CFAP141: variants seen among roughly 807,000 people sequenced by gnomAD.
The protein encoded by CFAP141 is cilia and flagella associated protein 141.
the CFAP141 span, among the ~76,000 whole-genome samples, chr1:154,204,956 ACTGC>A: frequency 6.8e-6 from 1 of 147,984 alleles, no homozygotes; most frequent in African/African-American, 2.5e-5. Context: ...ATCTTGGCTC[ACTGC>A]ACCCTCCGCA....
the CFAP141 span, among the ~76,000 whole-genome samples, chr1:154,202,581 A>G: frequency 6.6e-6 from 1 of 151,902 alleles, no homozygotes; most frequent in Admixed American, 6.6e-5. Flanking sequence ...CGGGCAGATC[A>G]CGAGGTCAGG....
chr1:154,200,500 T>G, the CFAP141 span: 3 of 1,614,208 alleles, frequency 1.9e-6, no homozygotes, highest in Admixed American at 5.0e-5. Context: ...TCCTGTACCA[T>G]GGTGTCCTGC....
chr1:154,200,337 T>C, the CFAP141 span: 1 of 1,068,920 alleles, frequency 9.4e-7, no homozygotes, highest in Non-Finnish European at 1.4e-6. Flanking sequence ...GGTGTAATGC[T>C]GAAAACCTAG....
the CFAP141 span, among the ~76,000 whole-genome samples, chr1:154,203,530 G>A: frequency 1.3e-4 from 19 of 151,740 alleles, no homozygotes; most frequent in Non-Finnish European, 2.6e-4. Flanking sequence ...TTAGGCTCAA[G>A]CAATCCTTCT....
chr1:154,201,607 C>G, the CFAP141 span, among the ~76,000 whole-genome samples: 1 of 151,718 alleles, frequency 6.6e-6, no homozygotes, highest in Non-Finnish European at 1.5e-5. Flanking sequence ...ACGCTGGTGT[C>G]GAACTCCTGA....
the CFAP141 span, chr1:154,206,332 C>CT: frequency 6.2e-7 from 1 of 1,611,780 alleles, no homozygotes; most frequent in Non-Finnish European, 8.5e-7. Context: ...TTGATACAGT[C>CT]TGAGGAGACT....
chr1:154,203,930 A>G, the CFAP141 span, among the ~76,000 whole-genome samples: 11 of 152,214 alleles, frequency 7.2e-5, no homozygotes, highest in Admixed American at 7.2e-4. Flanking sequence ...GACTCTACTG[A>G]AAATACAAAA....
At chr1:154,199,598 A>ATTATT in the CFAP141 span, 1 of 1,008,942 alleles carries the variant, frequency 9.9e-7, no homozygotes. Flanking sequence ...CTTTCTTCCT[A>ATTATT]GTTGTTTTCC....
At chr1:154,200,350 G>T in the CFAP141 span, 1 of 1,204,694 alleles carries the variant, frequency 8.3e-7, no homozygotes. Context: ...AAACCTAGAG[G>T]CAAACAAGAT....
the CFAP141 span, chr1:154,205,623 T>C: frequency 2.5e-6 from 4 of 1,613,934 alleles, no homozygotes; most frequent in African/African-American, 1.3e-5. Context: ...TTAAGTCCCA[T>C]GGCCTTTTGA....
the CFAP141 span, among the ~76,000 whole-genome samples, chr1:154,201,285 C>T: frequency 5.6e-3 from 852 of 152,250 alleles, 5 homozygotes; most frequent in Middle Eastern, 0.031. Context: ...CATGCGCCAC[C>T]GCGCCTGGCC....
chr1:154,199,469 T>C, the CFAP141 span: 4 of 1,613,288 alleles, frequency 2.5e-6, no homozygotes, highest in African/African-American at 4.0e-5. Flanking sequence ...TCTGATTTAG[T>C]TCCTGCTGGT....
At chr1:154,204,511 G>A in the CFAP141 span, among the ~76,000 whole-genome samples, 7,790 of 152,038 alleles carry the variant, frequency 0.051, 686 homozygotes, top group African/African-American at 0.18. Context: ...GAACTCCTGA[G>A]CTCAAGCAAT....
chr1:154,204,022 C>A, the CFAP141 span, among the ~76,000 whole-genome samples: 2 of 151,978 alleles, frequency 1.3e-5, no homozygotes, highest in Non-Finnish European at 2.9e-5. Flanking sequence ...ACCCAGGAGG[C>A]GGAGGTTGCA....
the CFAP141 span, chr1:154,200,344 C>T: frequency 8.7e-7 from 1 of 1,152,598 alleles, no homozygotes; most frequent in African/African-American, 1.6e-5. Context: ...TGCTGAAAAC[C>T]TAGAGGCAAA....
chr1:154,204,767 GC>G, the CFAP141 span, among the ~76,000 whole-genome samples: 1 of 151,824 alleles, frequency 6.6e-6, no homozygotes, highest in African/African-American at 2.4e-5. Flanking sequence ...TTCCTATGTT[GC>G]CCAGGCTGGT....
the CFAP141 span, chr1:154,205,708 C>T: frequency 1.4e-6 from 2 of 1,427,276 alleles, no homozygotes; most frequent in Non-Finnish European, 9.8e-7. Context: ...GAGACATAGA[C>T]CTTTTTTTTT....
chr1:154,201,801 C>T, the CFAP141 span, among the ~76,000 whole-genome samples: 6 of 151,870 alleles, frequency 4.0e-5, no homozygotes, highest in Admixed American at 2.0e-4. Context: ...GAAATAGTCT[C>T]GCTCAGTCGC....
At chr1:154,199,519 C>T in the CFAP141 span, 5 of 1,608,552 alleles carry the variant, frequency 3.1e-6, no homozygotes, top group Admixed American at 1.7e-5. Context: ...TGCAGGGCAG[C>T]TTGACGGACC....
Sources: allele counts gnomAD v4.1 joint callset (sites outside exome capture counted in the v4.1 genomes callset), GRCh38; gene constraint gnomAD v4.1.1; transcripts MANE v1.5; gene names NCBI Gene and HGNC (gene_info 2026-07-23, HGNC 2026-07-21).